Variants in AHR observed in about 807,000 individuals in gnomAD.
The protein encoded by AHR is aryl hydrocarbon receptor, also known as AH-receptor.
AHR carries 40 observed loss-of-function variants against 86.8 expected under a neutral mutation model. The ratio of observed to expected loss-of-function variants is 0.46; its 90% confidence interval spans 0.36 to 0.60. AHR has a LOEUF of 0.60. Among genes scored for constraint, AHR ranks in the 20% least tolerant of loss-of-function variants. The pLI is 0.00. For synonymous variants in AHR, 398 were observed against 354.9 expected, an observed-to-expected ratio of 1.12 and a Z score of -1.37; for missense variants, 1,001 against 1,011.6, an observed-to-expected ratio of 0.99 and a Z score of 0.14.
intron 10 of AHR, among the ~76,000 whole-genome samples, chr7:17,340,453 T>C (rs947403697): frequency 2.0e-5 from 3 of 152,028 alleles, no homozygotes; most frequent in East Asian, 1.9e-4. Context: ...GAGAAAGATA[T>C]CAAGGAATGA....
intron 6 of AHR, among the ~76,000 whole-genome samples, chr7:17,332,652 G>GT (rs2115365547): frequency 6.6e-6 from 1 of 152,088 alleles, no homozygotes; most frequent in African/African-American, 2.4e-5. Flanking sequence ...TGTACACTGT[G>GT]TTTAAGTGTT....
Position 17,299,185 on chromosome 7 carries a change from CAGT to C in AHR, c.-79_-77del. On this transcript the variant is annotated 5_prime_UTR_variant, in exon 1 of 11. Transcript: ENST00000242057. ...TCGCGGAACCCGGCGCCGGCCGCCG[CAGT>C]GGTCCCAGCCTACACCGGGTTCCGG... 6.8e-7 allele frequency: 1 copy of C among 1,468,340 alleles called. No individual in the cohort carries two copies. Among genetic ancestry groups the C allele is most frequent in the African/African-American group, 1.5e-5 (1 of 67,468 alleles). 91.0% of individuals were successfully genotyped at this position (1,468,340 alleles called of 1,614,324 possible). A position where few individuals can be genotyped will look rare whatever the true frequency, so the allele number is the denominator to read the frequency against.
chr7:17,328,333 T>C (rs1782250403), intron 4 of AHR, among the ~76,000 whole-genome samples: 2 of 151,848 alleles, frequency 1.3e-5, no homozygotes, highest in African/African-American at 2.4e-5. Context: ...CAAGAAAACA[T>C]AGGAATATTG....
At chr7:17,337,321 G>A (rs1053707669) in intron 9 of AHR, among the ~76,000 whole-genome samples, 1 of 151,956 alleles carries the variant, frequency 6.6e-6, no homozygotes, top group Non-Finnish European at 1.5e-5. Flanking sequence ...ATGTTCTGTA[G>A]TTTGGGAGTA....
At chr7:17,327,647 G>A (rs1584037940) in intron 3 of AHR, 112 bp from the exon 4 acceptor site, 2 of 457,840 alleles carry the variant, frequency 4.4e-6, no homozygotes, top group African/African-American at 4.0e-5. Context: ...TGTGAAATGT[G>A]ACAATTTTAA....
At chr7:17,316,122 A>G (rs909224604) in intron 2 of AHR, among the ~76,000 whole-genome samples, 3 of 152,202 alleles carry the variant, frequency 2.0e-5, no homozygotes, top group African/African-American at 7.2e-5. Flanking sequence ...GTGTTCTTAA[A>G]TTGGAGAGCC....
intron 1 of AHR, 140 bp downstream of exon 1, chr7:17,299,469 T>G: frequency 2.1e-6 from 2 of 949,724 alleles, no homozygotes; most frequent in East Asian, 5.8e-5. Context: ...AATCGAGGTT[T>G]GGAGGCCGGC....
intron 10 of AHR, among the ~76,000 whole-genome samples, chr7:17,341,275 G>A (rs1302332836): frequency 2.0e-5 from 3 of 152,046 alleles, no homozygotes; most frequent in Non-Finnish European, 4.4e-5. Context: ...AAAGGACAGT[G>A]AAAATTTTTC....
In AHR at chr7:17,344,532, GA is replaced by G; in HGVS notation, c.*1469del. 6.6e-6 allele frequency: 1 copy of G among 151,170 alleles called. No homozygotes were observed. Among genetic ancestry groups the G allele is most frequent in the East Asian group, 1.9e-4 (1 of 5,258 alleles). 9.4% of individuals were successfully genotyped at this position (151,170 alleles called of 1,614,324 possible). On this transcript the variant is annotated 3_prime_UTR_variant, in exon 11 of 11. Coordinates refer to ENST00000242057, the MANE Select transcript of AHR (RefSeq NM_001621.5). ...CCTTCAAACTTTAGGTTTTTTTAAT[GA>G]TATACTGATCTTCATTACCAATAGG...
Position 17,313,566 on chromosome 7 carries a change from A to C in AHR, c.253+3443A>C, listed in dbSNP as rs372378708. On this transcript the variant is annotated intron_variant, in intron 2 of 10. Transcript: ENST00000242057. ...CTTCTTAAAGTTTGGAACCATGACT[A>C]TACTGCTGCTGCTGTCTGAAAAGCA... 5.3e-5 allele frequency among the ~76,000 whole-genome samples: 8 copies of C among 152,270 alleles called. No individual in the cohort carries two copies. In the East Asian group the frequency reaches 1.3e-3, roughly 26 times the overall value.
At chr7:17,313,935 C>T (rs531377208) in intron 2 of AHR, among the ~76,000 whole-genome samples, 1 of 152,192 alleles carries the variant, frequency 6.6e-6, no homozygotes, top group East Asian at 1.9e-4. Context: ...ACAGTGTACA[C>T]TGGGCTTGTT....
rs370578969 is a variant in AHR, at chr7:17,335,682, G to A, written c.1056G>A (p.Arg352=). The change falls in exon 9 of 11, where the codon CGG becomes CGA. Residue 352 remains arginine (R), a synonymous_variant. Coordinates refer to ENST00000242057, the MANE Select transcript of AHR (RefSeq NM_001621.5). ...KTGESGMIVF[R]LLTKNNRWTW... is the part of the protein sequence containing the mutation. ...GAGAAAGTGGCATGATAGTTTTCCG[G>A]CTTCTTACAAAAAACAACCGATGGA... 1.9e-6 allele frequency: 3 copies of A among 1,594,536 alleles called. No homozygotes were observed. The African/African-American group carries it at 4.0e-5, about 21-fold the overall frequency.
chr7:17,327,928 G>A (rs1782246311), intron 4 of AHR, 80 bp downstream of exon 4: 1 of 492,836 alleles, frequency 2.0e-6, no homozygotes. Context: ...TTGGCCATTT[G>A]TATGTATAAA....
chr7:17,342,983 G>T lies in AHR; in HGVS notation c.2466G>T (p.Gln822His). 1 of 1,613,404 alleles carries T rather than the reference G, an allele frequency of 6.2e-7. No homozygotes were observed. Among genetic ancestry groups the T allele is most frequent in the South Asian group, 1.1e-5 (1 of 91,032 alleles). ...AATTAAATAACATAAATAACACTCA[G>T]ACTACCACACATCTTCAGCCACTTC... ...PAELNNINNT[Q>H]TTTHLQPLHH... is the part of the protein sequence containing the mutation. The change falls in exon 11 of 11, where the codon CAG (glutamine) becomes CAT (histidine). Residue 822 changes from glutamine (Q) to histidine (H), a missense_variant. By Grantham distance (24) the Gln-to-His change is conservative. This residue lies in a region of AHR where 607 missense variants were observed against 543.1 expected (regional missense o/e 1.12). Transcript: ENST00000242057.
Position 17,340,040 on chromosome 7 carries a change from G to C in AHR, c.2215G>C (p.Val739Leu). The change falls in exon 10 of 11, where the codon GTC becomes CTC. Residue 739 changes from valine (V) to leucine (L), a missense_variant. Val to Leu is a conservative substitution (Grantham distance 32). Coordinates refer to ENST00000242057, the MANE Select transcript of AHR (RefSeq NM_001621.5). ...YPTTSSLEDFVTCLQLPENQK... is the reference protein window; with the variant it reads ...YPTTSSLEDFLTCLQLPENQK... Reference sequence around the variant, plus strand: ...CACTACTTCTAGTTTAGAAGATTTTGTCACTTGTTTACAACTTCCTGAAAA... The same window carrying C: ...CACTACTTCTAGTTTAGAAGATTTTCTCACTTGTTTACAACTTCCTGAAAA... The C allele has an allele frequency of 6.2e-7, 1 of 1,614,152 alleles. No homozygotes were observed. The highest frequency in any genetic ancestry group is 8.5e-7 in the Non-Finnish European group (1 of 1,180,026).
At chr7:17,334,423 C>T (rs1166175530) in intron 7 of AHR, among the ~76,000 whole-genome samples, 1 of 151,906 alleles carries the variant, frequency 6.6e-6, no homozygotes, top group Non-Finnish European at 1.5e-5. Context: ...TGATTTCTAG[C>T]CCCAGAAGTT....
intron 2 of AHR, among the ~76,000 whole-genome samples, chr7:17,312,294 T>A (rs1263377133): frequency 6.6e-6 from 1 of 152,218 alleles, no homozygotes; most frequent in African/African-American, 2.4e-5. Flanking sequence ...AAAGCTTTAT[T>A]GACTTGAGTC....
rs889932079 is a variant in AHR, at chr7:17,340,155, A to C, written c.2330A>C (p.Glu777Ala). 1 of 1,614,100 alleles carries C rather than the reference A, an allele frequency of 6.2e-7. No homozygotes were observed. The highest frequency in any genetic ancestry group is 1.3e-5 in the African/African-American group (1 of 74,922). Residue 777 changes from glutamate (E) to alanine (A), a missense_variant, in exon 10 of 11, where the codon GAA becomes GCA. Physicochemically the swap from Glu to Ala is moderately radical, Grantham distance 107. This residue lies in a region of AHR where 607 missense variants were observed against 543.1 expected (regional missense o/e 1.12). Coordinates refer to ENST00000242057, the MANE Select transcript of AHR (RefSeq NM_001621.5). ...GAVSMYQCQP[E>A]PQHTHVGQMQ... ...GTGTCGATGTATCAGTGCCAGCCAG[A>C]ACCTCAGCACACCCACGTGGGTCAG...
intron 4 of AHR, 47 bp from the exon 5 acceptor site, chr7:17,329,905 T>G (rs781143914): frequency 1.9e-6 from 3 of 1,539,276 alleles, no homozygotes; most frequent in Non-Finnish European, 2.6e-6. Flanking sequence ...TTAGCCATAT[T>G]TTTTAATCAG....
Sources: allele counts gnomAD v4.1 joint callset (sites outside exome capture counted in the v4.1 genomes callset), GRCh38; gene constraint gnomAD v4.1.1; regional missense constraint gnomAD v4.1.1; transcripts MANE v1.5; gene names NCBI Gene and HGNC (gene_info 2026-07-23, HGNC 2026-07-21).